Variants in ZNF148 observed in about 807,000 individuals in gnomAD.
ZNF148 encodes the protein Beta-Enolase Repressor Factor-1.
Under a neutral mutation model 67.7 loss-of-function variants are expected in ZNF148, and 7 were observed. The observed-to-expected ratio is 0.10, with a 90% CI of 0.06 to 0.19. The LOEUF (loss-of-function observed/expected upper bound fraction) is 0.19. Ranked by LOEUF, ZNF148 falls within the 10% of genes least tolerant of loss-of-function variation. The pLI is 1.00. For synonymous variants in ZNF148, 333 were observed against 330.7 expected, an observed-to-expected ratio of 1.01 and a Z score of -0.08; for missense variants, 583 against 947.1, an observed-to-expected ratio of 0.62 and a Z score of 5.05.
intron 7 of ZNF148, among the ~76,000 whole-genome samples, chr3:125,273,545 G>A (rs978043243): frequency 6.9e-6 from 1 of 145,288 alleles, no homozygotes; most frequent in East Asian, 2.0e-4. Context: ...GCCCAGGCTG[G>A]AGTGCAATGG....
At position 125,369,995 on chromosome 3, in the gene ZNF148, A is replaced by T. The variant is rs556310238; in HGVS notation, c.-234+5107T>A. On this transcript the variant is annotated intron_variant, in intron 1 of 8. Transcript: ENST00000360647. ...AAGACCCCGTCTCAAAAAAAAAAAA[A>T]TTGTAAATACTACAAATTCCTTGAG... 7.9e-5 allele frequency among the ~76,000 whole-genome samples: 12 copies of T among 152,170 alleles called. No individual in the cohort carries two copies. In the East Asian group the frequency reaches 2.3e-3, roughly 29 times the overall value.
At chr3:125,262,066 C>T (rs1396964203) in intron 7 of ZNF148, among the ~76,000 whole-genome samples, 1 of 152,054 alleles carries the variant, frequency 6.6e-6, no homozygotes, top group Non-Finnish European at 1.5e-5. Flanking sequence ...TTAGCATTCC[C>T]TATCATTAAA....
At chr3:125,248,484 A>C (rs529075137) in intron 7 of ZNF148, among the ~76,000 whole-genome samples, 1 of 152,310 alleles carries the variant, frequency 6.6e-6, no homozygotes, top group East Asian at 1.9e-4. Flanking sequence ...GTAAAAATGC[A>C]CATCGGCTTT....
intron 7 of ZNF148, among the ~76,000 whole-genome samples, chr3:125,234,877 A>G (rs1021469474): frequency 4.6e-5 from 7 of 152,190 alleles, no homozygotes; most frequent in Non-Finnish European, 7.4e-5. Context: ...AGCACTTCCC[A>G]TATCATTTAG....
intron 4 of ZNF148, 137 bp downstream of exon 4, chr3:125,313,171 T>C (rs1229408380): frequency 5.2e-6 from 3 of 575,818 alleles, no homozygotes; most frequent in Non-Finnish European, 8.5e-6. Context: ...ATATGATTTA[T>C]GTCAATATTT....
chr3:125,318,848 G>A (rs1003347040), intron 3 of ZNF148, among the ~76,000 whole-genome samples: 3 of 152,082 alleles, frequency 2.0e-5, no homozygotes, highest in African/African-American at 7.2e-5. Flanking sequence ...TCTCCCTTTC[G>A]CAGATTACTT....
At chr3:125,297,408 A>C (rs1939342675) in intron 4 of ZNF148, among the ~76,000 whole-genome samples, 1 of 151,672 alleles carries the variant, frequency 6.6e-6, no homozygotes, top group Non-Finnish European at 1.5e-5. Context: ...AGAAGGACAC[A>C]AAAAATACCA....
At chr3:125,298,754 AG>A (rs1352716395) in intron 4 of ZNF148, among the ~76,000 whole-genome samples, 1 of 150,320 alleles carries the variant, frequency 6.7e-6, no homozygotes, top group Non-Finnish European at 1.5e-5. Context: ...CCTCCCAAGT[AG>A]CTGGGACTAC....
At position 125,370,680 on chromosome 3, in the gene ZNF148, CA is replaced by C. The variant is rs376469020; in HGVS notation, c.-234+4421del. Among the ~76,000 whole-genome samples the C allele has an allele frequency of 2.2e-4, 34 of 152,270 alleles. 1 individual carries two copies. The highest frequency in any genetic ancestry group is 7.9e-4 in the African/African-American group (33 of 41,548). On this transcript the variant is annotated intron_variant, in intron 1 of 8. Coordinates refer to ENST00000360647, the MANE Select transcript of ZNF148 (RefSeq NM_021964.3). Reference sequence around the variant, plus strand: ...ATCTTTCTAATCTCCCAACATCCACCATAGTGATTTGCACCTCATACACAAA... The same window carrying C: ...ATCTTTCTAATCTCCCAACATCCACCTAGTGATTTGCACCTCATACACAAA...
chr3:125,295,531 A>G (rs1304901835), intron 4 of ZNF148, among the ~76,000 whole-genome samples: 1 of 152,188 alleles, frequency 6.6e-6, no homozygotes, highest in African/African-American at 2.4e-5. Flanking sequence ...ATCTCTTCCA[A>G]TTATTAGCTA....
rs796905351 is a variant in ZNF148 at position 125,317,658 on chromosome 3, T to TAGAG, written c.-16-4003_-16-4002insCTCT. Among the ~76,000 whole-genome samples, 97 of 27,976 alleles carry TAGAG rather than the reference T, an allele frequency of 3.5e-3. 2 individuals are homozygous for TAGAG. The highest frequency in any genetic ancestry group is 0.021 in the Middle Eastern group (1 of 48). The allele number at this position is 27,976 out of a possible 152,430, so 18.4% of individuals were successfully genotyped here. Reference sequence around the variant, plus strand: ...GTAAGATCTTTTATATATATATATATATATAGAGAGAGAGAGAGAGAAATA... The same window carrying TAGAG: ...GTAAGATCTTTTATATATATATATATAGAGATATAGAGAGAGAGAGAGAGAAATA... On this transcript the variant is annotated intron_variant, in intron 3 of 8. Transcript: ENST00000360647.
intron 4 of ZNF148, among the ~76,000 whole-genome samples, chr3:125,310,155 C>T (rs1011929110): frequency 3.3e-5 from 5 of 149,774 alleles, no homozygotes; most frequent in African/African-American, 1.2e-4. Context: ...TCTTGGCTCA[C>T]TGCAACCTCT....
chr3:125,235,805 A>G (rs1040138588), intron 7 of ZNF148, among the ~76,000 whole-genome samples: 5 of 151,888 alleles, frequency 3.3e-5, no homozygotes, highest in Non-Finnish European at 7.4e-5. Context: ...TTGTAGGGAC[A>G]TGGATGAAGC....
In ZNF148 at chr3:125,233,705, C is replaced by T. The variant is rs774113521; in HGVS notation, c.1021G>A (p.Asp341Asn). 3 of 1,613,668 alleles carry T rather than the reference C, an allele frequency of 1.9e-6. No homozygotes were observed. Among genetic ancestry groups the T allele is most frequent in the Non-Finnish European group, 2.5e-6 (3 of 1,179,864 alleles). ...SALDKSDLKK[D>N]KNDYLPLYSS... ...TAAAGAGGCAAGTAATCATTTTTGT[C>T]TTTTTTCAGGTCAGATTTGTCCAAA... is the stretch of plus-strand genomic sequence containing the variant. Residue 341 changes from aspartate (D) to asparagine (N), a missense_variant, in exon 9 of 9, where the codon GAC becomes AAC. Asp to Asn is a conservative substitution (Grantham distance 23, BLOSUM62 1). Coordinates refer to ENST00000360647, the MANE Select transcript of ZNF148 (RefSeq NM_021964.3). The surrounding 1 kb of genome is among the most constrained non-coding windows in gnomAD (Gnocchi z 5.1).
At chr3:125,278,124 C>G (rs926584573) in intron 6 of ZNF148, among the ~76,000 whole-genome samples, 5 of 152,100 alleles carry the variant, frequency 3.3e-5, no homozygotes, top group African/African-American at 1.2e-4. Flanking sequence ...CAGGTTCTCA[C>G]GTGTCCTAAA....
chr3:125,286,131 T>G (rs1056971573), intron 5 of ZNF148, among the ~76,000 whole-genome samples: 1 of 152,038 alleles, frequency 6.6e-6, no homozygotes, highest in Non-Finnish European at 1.5e-5. Context: ...TAGAAATAAT[T>G]TTTTACATAA....
chr3:125,262,923 A>C (rs887979179), intron 7 of ZNF148, among the ~76,000 whole-genome samples: 7 of 152,244 alleles, frequency 4.6e-5, no homozygotes, highest in African/African-American at 1.7e-4. Context: ...GAAAGGCCAT[A>C]AACTTTAAAT....
At position 125,283,254 on chromosome 3, in the gene ZNF148, T is replaced by C. The variant is rs190014978; in HGVS notation, c.460-4007A>G. On this transcript the variant is annotated intron_variant, in intron 5 of 8. Coordinates refer to ENST00000360647, the MANE Select transcript of ZNF148 (RefSeq NM_021964.3). ...TAATAACCTACTCTAACATTGTCAC[T>C]TTCTTTCATTCATCAAGATTTTTTA... Among the ~76,000 whole-genome samples, 820 of 152,266 alleles carry C rather than the reference T, an allele frequency of 5.4e-3. 8 individuals are homozygous for C. Among genetic ancestry groups the C allele is most frequent in the Middle Eastern group, 0.02 (6 of 294 alleles).
intron 1 of ZNF148, among the ~76,000 whole-genome samples, chr3:125,368,797 A>C (rs1942777905): frequency 6.6e-6 from 1 of 150,768 alleles, no homozygotes; most frequent in Admixed American, 6.6e-5. Flanking sequence ...AATACAAAAA[A>C]TTGCCAGAAG....
Sources: gnomAD v4.1 joint callset for allele counts (sites outside exome capture counted in the v4.1 genomes callset) on GRCh38, gnomAD v4.1.1 for gene constraint, Gnocchi (gnomAD v3.1) non-coding constraint, MANE v1.5 for transcripts, NCBI Gene and HGNC (gene_info 2026-07-23, HGNC 2026-07-21) for gene names.